Variants in HMCN1 observed in about 807,000 individuals in gnomAD.
HMCN1 encodes the protein hemicentin 1, also known as hemicentin-1.
HMCN1 carries 321 observed loss-of-function variants against 625.9 expected under a neutral mutation model. The ratio of observed to expected loss-of-function variants is 0.51; its 90% CI spans 0.47 to 0.56. HMCN1 has a LOEUF of 0.56. HMCN1 is among the 20% of genes least tolerant of loss of function. The pLI is 0.00. For synonymous variants in HMCN1, 2,425 were observed against 2,417.6 expected (o/e 1.00, Z -0.09); for missense variants, 6,588 against 6,887.3 (o/e 0.96, Z 1.54).
intron 1 of HMCN1, among the ~76,000 whole-genome samples, chr1:185,812,213 G>C (rs1460134466): frequency 6.6e-6 from 1 of 151,918 alleles, no homozygotes; most frequent in Non-Finnish European, 1.5e-5. Context: ...GGCCTGTCTA[G>C]GTTATTTGAC....
intron 1 of HMCN1, among the ~76,000 whole-genome samples, chr1:185,843,026 G>A (rs1661581394): frequency 6.6e-6 from 1 of 152,176 alleles, no homozygotes; most frequent in Non-Finnish European, 1.5e-5. Context: ...TTTCTTGTCT[G>A]TAGGATAAGG....
chr1:186,063,401 G>C (rs1274687390), intron 48 of HMCN1, among the ~76,000 whole-genome samples: 1 of 143,308 alleles, frequency 7.0e-6, no homozygotes, highest in Non-Finnish European at 1.5e-5. Context: ...AGGGAAGAAA[G>C]AGGGAGTGGG....
chr1:185,834,185 A>C (rs1661035704), intron 1 of HMCN1, among the ~76,000 whole-genome samples: 1 of 152,210 alleles, frequency 6.6e-6, no homozygotes, highest in Admixed American at 6.5e-5. Flanking sequence ...AAGTGAATGT[A>C]GCTATCTACT....
chr1:186,137,008 C>T (rs1649647433), intron 87 of HMCN1, 71 bp downstream of exon 87: 1 of 1,542,846 alleles, frequency 6.5e-7, no homozygotes, highest in South Asian at 1.1e-5. Context: ...AATTATTAAG[C>T]ACTTTAGTCC....
intron 1 of HMCN1, among the ~76,000 whole-genome samples, chr1:185,779,691 G>T (rs1206511814): frequency 2.0e-5 from 3 of 152,142 alleles, no homozygotes; most frequent in Non-Finnish European, 4.4e-5. Flanking sequence ...GCTCTGTTCT[G>T]TTCCATTGGC....
chr1:185,984,931 T>C (rs778654565), intron 19 of HMCN1, among the ~76,000 whole-genome samples: 2 of 152,148 alleles, frequency 1.3e-5, no homozygotes, highest in Non-Finnish European at 2.9e-5. Context: ...CTCTGCAACA[T>C]TGCTTTTTTA....
At chr1:185,869,402 T>C (rs1663466769) in intron 4 of HMCN1, among the ~76,000 whole-genome samples, 1 of 152,194 alleles carries the variant, frequency 6.6e-6, no homozygotes, top group Non-Finnish European at 1.5e-5. Context: ...CACAGAGTAG[T>C]GCCCAATAAA....
At chr1:186,188,059 C>CA (rs1653465202) in intron 106 of HMCN1, 50 bp downstream of exon 106, 1 of 1,605,974 alleles carries the variant, frequency 6.2e-7, no homozygotes, top group Non-Finnish European at 8.5e-7. Flanking sequence ...TCCTTCCTCC[C>CA]ACTCCTTGAC....
intron 71 of HMCN1, among the ~76,000 whole-genome samples, chr1:186,109,070 G>A (rs1160706160): frequency 2.0e-5 from 3 of 152,186 alleles, no homozygotes; most frequent in African/African-American, 7.2e-5. Context: ...GTTACTGGCT[G>A]TATAAAGCTT....
chr1:185,904,546 A>G (rs1290605512), intron 4 of HMCN1, among the ~76,000 whole-genome samples: 1 of 151,790 alleles, frequency 6.6e-6, no homozygotes, highest in Admixed American at 6.6e-5. Flanking sequence ...TTTTCACTAG[A>G]TATTATTTCA....
intron 1 of HMCN1, among the ~76,000 whole-genome samples, chr1:185,745,978 C>T (rs1311924142): frequency 2.0e-5 from 3 of 152,076 alleles, no homozygotes; most frequent in Non-Finnish European, 2.9e-5. Context: ...AAAGGGAGTC[C>T]AGGAAGATAG....
chr1:186,079,792 T>C (rs1238417206), intron 55 of HMCN1, among the ~76,000 whole-genome samples: 1 of 152,090 alleles, frequency 6.6e-6, no homozygotes, highest in African/African-American at 2.4e-5. Flanking sequence ...AGCAAGCAAG[T>C]TGGAGATGAG....
At chr1:186,044,298 T>C (rs1261685401) in intron 40 of HMCN1, among the ~76,000 whole-genome samples, 2 of 152,168 alleles carry the variant, frequency 1.3e-5, no homozygotes, top group East Asian at 3.9e-4. Context: ...AGGAACATCA[T>C]GAATCTCTGC....
At chr1:186,012,122 C>A (rs962113935) in intron 30 of HMCN1, among the ~76,000 whole-genome samples, 1 of 124,152 alleles carries the variant, frequency 8.1e-6, no homozygotes, top group South Asian at 2.8e-4. Flanking sequence ...TTCAATGACA[C>A]CTGATCTTTT....
In HMCN1 at chr1:186,106,931, A is replaced by T. The variant is rs1424077436; in HGVS notation, c.10818A>T (p.Gly3606=). 1.2e-6 allele frequency: 2 copies of T among 1,612,714 alleles called. No homozygotes were observed. The highest frequency in any genetic ancestry group is 2.7e-5 in the African/African-American group (2 of 74,890). Residue 3606 remains glycine, a synonymous_variant, in exon 70 of 107, where the codon GGA becomes GGT. Transcript: ENST00000271588. The stretch of plus-strand genomic sequence containing the variant: ...CATGTCTGGCATCCAGTCCTGCAGG[A>T]GATGATGATAAGGAATATCTAGTGA... The part of the protein sequence containing the change: ...RYTCLASSPA[G]DDDKEYLVRV...
chr1:186,005,561 T>C (rs1017043792), intron 29 of HMCN1, among the ~76,000 whole-genome samples: 1 of 151,984 alleles, frequency 6.6e-6, no homozygotes, highest in Admixed American at 6.5e-5. Context: ...TTTTAATTGT[T>C]TAAATTGTTT....
chr1:185,868,251 A>G (rs1287186053), intron 4 of HMCN1, among the ~76,000 whole-genome samples: 1 of 152,126 alleles, frequency 6.6e-6, no homozygotes, highest in Non-Finnish European at 1.5e-5. Context: ...CTGAAATAAT[A>G]TAGTGCCTTA....
At chr1:186,022,685 T>G (rs1242517230) in intron 35 of HMCN1, among the ~76,000 whole-genome samples, 3 of 152,170 alleles carry the variant, frequency 2.0e-5, no homozygotes, top group Non-Finnish European at 4.4e-5. Flanking sequence ...TGAATTTTTA[T>G]ATAAATGTGG....
In HMCN1 at chr1:185,923,704, ATGT is replaced by A. The variant is rs747489206; in HGVS notation, c.1285+55_1285+57del. 32 of 1,419,762 alleles carry A rather than the reference ATGT, an allele frequency of 2.3e-5. No individual in the cohort carries two copies. The South Asian group carries it at 3.3e-4, about 15-fold the overall frequency. 87.9% of individuals were successfully genotyped at this position (1,419,762 alleles called of 1,614,324 possible). A position where few individuals can be genotyped will look rare whatever the true frequency, so the allele number is the denominator to read the frequency against. ...GAAATATTGACAGTTTAAGAGGGTG[ATGT>A]TGTCCCATAGGTAAATAACGGACTA... On this transcript the variant is annotated intron_variant, in intron 8 of 106. Coordinates refer to ENST00000271588, the MANE Select transcript of HMCN1 (RefSeq NM_031935.3).
Sources: gnomAD v4.1 joint callset for allele counts (sites outside exome capture counted in the v4.1 genomes callset) on GRCh38, gnomAD v4.1.1 for gene constraint, MANE v1.5 for transcripts, NCBI Gene and HGNC (gene_info 2026-07-23, HGNC 2026-07-21) for gene names.